Variants in ATG13 observed in about 807,000 individuals in gnomAD.
ATG13 encodes the protein autophagy-related protein 13.
A neutral mutation model predicts 65.5 loss-of-function variants in ATG13; 23 were observed. The ratio of observed to expected loss-of-function variants is 0.35; its 90% confidence interval spans 0.25 to 0.50. The LOEUF is 0.50. ATG13 is among the 20% of genes least tolerant of loss of function. The probability of loss-of-function intolerance (pLI) is 0.98; values close to 1 mark genes in which losing one functional copy is unlikely to be tolerated. For synonymous variants in ATG13, 252 were observed against 245.2 expected (o/e 1.03, Z -0.26); for missense variants, 566 against 677.0 (o/e 0.84, Z 1.82).
intron 11 of ATG13, among the ~76,000 whole-genome samples, chr11:46,661,394 TATA>T (rs756012509): frequency 6.7e-6 from 1 of 149,800 alleles, no homozygotes; most frequent in Non-Finnish European, 1.5e-5. Context: ...GGTGGGCGCC[TATA>T]ATCCCAGCTA....
At chr11:46,664,730 G>A in intron 12 of ATG13, 119 bp from the exon 13 acceptor site, 1 of 846,276 alleles carries the variant, frequency 1.2e-6, no homozygotes, top group Admixed American at 2.0e-5. Flanking sequence ...CTGCACTGTG[G>A]GCATGTGGGC....
At position 46,659,400 on chromosome 11, in the gene ATG13, G is replaced by A; in HGVS notation, c.704G>A (p.Gly235Asp). The change falls in exon 11 of 19, where the codon GGT (glycine) becomes GAT (aspartate). Residue 235 changes from glycine (G) to aspartate (D), a missense_variant. Physicochemically the swap from Gly to Asp is moderately conservative, Grantham distance 94 (BLOSUM62 -1). Transcript: ENST00000683050. ...PMHPCNYRTA[G>D]EDTGVIYPSV... ...CTTTCTTTTCACTTTAGAACTGCTG[G>A]TGAGGACACTGGAGTAATATACCCG... 1.2e-6 allele frequency: 2 copies of A among 1,612,836 alleles called. No individual in the cohort carries two copies.
intron 1 of ATG13, among the ~76,000 whole-genome samples, chr11:46,624,115 C>T (rs994857760): frequency 3.3e-5 from 5 of 151,958 alleles, no homozygotes; most frequent in African/African-American, 7.2e-5. Context: ...AACGATTCTC[C>T]TGCCTCAGCC....
intron 1 of ATG13, among the ~76,000 whole-genome samples, chr11:46,619,128 T>C (rs1232299072): frequency 1.3e-5 from 2 of 152,014 alleles, no homozygotes; most frequent in African/African-American, 4.8e-5. Flanking sequence ...GGAGAGTGCA[T>C]AGAGTTGCTG....
At chr11:46,640,421 A>G (rs1341027464) in intron 2 of ATG13, among the ~76,000 whole-genome samples, 1 of 152,220 alleles carries the variant, frequency 6.6e-6, no homozygotes, top group Admixed American at 6.5e-5. Context: ...TGTATATCCA[A>G]CGAAGTACTT....
At chr11:46,633,117 C>T (rs1480623799) in intron 2 of ATG13, among the ~76,000 whole-genome samples, 5 of 146,638 alleles carry the variant, frequency 3.4e-5, no homozygotes, top group African/African-American at 7.5e-5. Context: ...CTCCTCCTCT[C>T]GGGTTCAAGC....
chr11:46,632,139 A>G (rs902525390), intron 2 of ATG13, among the ~76,000 whole-genome samples: 1 of 152,244 alleles, frequency 6.6e-6, no homozygotes, highest in African/African-American at 2.4e-5. Context: ...CAATAAGTGT[A>G]GATGAAGTTT....
At chr11:46,654,302 T>TATATATATATATATATATATAG in intron 7 of ATG13, among the ~76,000 whole-genome samples, 1 of 143,436 alleles carries the variant, frequency 7.0e-6, no homozygotes, top group Non-Finnish European at 1.5e-5. Flanking sequence ...TATATATATA[T>TATATATATATATATATATATAG]ATATATATGT....
chr11:46,667,886 A>G lies in ATG13; in HGVS notation c.1250A>G (p.Gln417Arg). ...GCTTTTGTCAACAAACCCATTAACC[A>G]GGTGATTTTTCTGCCACTGCCACCT... Reference protein sequence around the residue: ...VGAFVNKPINQVTLTSLDIPF... With the variant: ...VGAFVNKPINRVTLTSLDIPF... Residue 417 changes from glutamine (Q) to arginine (R), a missense_variant and splice_region_variant, in exon 15 of 19, where the codon CAG becomes CGG. Gln to Arg is a conservative substitution (Grantham distance 43). Around this residue, in one of 2 missense-constraint regions of ATG13, gnomAD observed 387 missense variants for 409.8 expected, o/e 0.94. Transcript: ENST00000683050. 1 of 1,606,084 alleles carries G rather than the reference A, an allele frequency of 6.2e-7. No homozygotes were observed. Among genetic ancestry groups the G allele is most frequent in the Non-Finnish European group, 8.5e-7 (1 of 1,173,210 alleles).
At chr11:46,664,811 GC>G (rs1565605564) in intron 12 of ATG13, 37 bp from the exon 13 acceptor site, 1 of 1,573,276 alleles carries the variant, frequency 6.4e-7, no homozygotes, top group Admixed American at 1.7e-5. Flanking sequence ...TTTTTTCCTT[GC>G]CTTTCCTTTT....
At chr11:46,656,352 A>G (rs569991768) in intron 8 of ATG13, 79 bp downstream of exon 8, 17 of 1,396,520 alleles carry the variant, frequency 1.2e-5, no homozygotes, top group Non-Finnish European at 1.7e-5. Flanking sequence ...TCTACTTGTT[A>G]TAATATGTAG....
At chr11:46,652,108 C>T (rs1015992318) in intron 7 of ATG13, among the ~76,000 whole-genome samples, 2 of 151,988 alleles carry the variant, frequency 1.3e-5, no homozygotes, top group African/African-American at 4.8e-5. Flanking sequence ...ATTAGCTGGG[C>T]AGGGTGGCAC....
intron 16 of ATG13, 66 bp from the exon 17 acceptor site, chr11:46,668,728 G>T: frequency 6.6e-7 from 1 of 1,514,472 alleles, no homozygotes; most frequent in Non-Finnish European, 9.2e-7. Flanking sequence ...AGAATTTTCA[G>T]ATTGTTTACA....
intron 18 of ATG13, 86 bp downstream of exon 18, chr11:46,669,618 A>G (rs556432873): frequency 2.3e-5 from 34 of 1,461,386 alleles, no homozygotes; most frequent in South Asian, 1.4e-4. Flanking sequence ...ACCACCTTCT[A>G]TCTTCCCTGT....
In ATG13 at chr11:46,672,597, G is replaced by T; in HGVS notation, c.*265G>T. The T allele has an allele frequency of 7.0e-7, 1 of 1,423,760 alleles. No individual in the cohort carries two copies. The highest frequency in any genetic ancestry group is 9.3e-7 in the Non-Finnish European group (1 of 1,075,800). The allele number at this position is 1,423,760 out of a possible 1,614,324, so 88.2% of individuals were successfully genotyped here. On this transcript the variant is annotated 3_prime_UTR_variant, in exon 19 of 19. Coordinates refer to ENST00000683050, the MANE Select transcript of ATG13 (RefSeq NM_001346311.2). ...TTCGTACGAAAAAGCCCTCAGCAGG[G>T]CCATCTGTGTGCCCTGCCCATCACC...
At chr11:46,663,220 C>T (rs1033984301) in intron 11 of ATG13, among the ~76,000 whole-genome samples, 3 of 139,906 alleles carry the variant, frequency 2.1e-5, no homozygotes, top group East Asian at 2.2e-4. Flanking sequence ...GAGCCAAGAT[C>T]GCACCACTGC....
chr11:46,669,364 G>A (rs2063173886), intron 17 of ATG13, 40 bp from the exon 18 acceptor site: 1 of 1,611,522 alleles, frequency 6.2e-7, no homozygotes, highest in South Asian at 1.1e-5. Flanking sequence ...CTCCTCTGTG[G>A]TTCAAGGCAA....
intron 18 of ATG13, among the ~76,000 whole-genome samples, chr11:46,669,812 C>A (rs554190196): frequency 2.4e-4 from 36 of 152,196 alleles, no homozygotes; most frequent in African/African-American, 8.4e-4. Context: ...TGCCACTAGG[C>A]CAAGTTGCTC....
chr11:46,645,875 C>T lies in ATG13; in HGVS notation c.156C>T (p.Asn52=). The T allele has an allele frequency of 6.2e-7, 1 of 1,613,940 alleles. No individual in the cohort carries two copies. Among genetic ancestry groups the T allele is most frequent in the Non-Finnish European group, 8.5e-7 (1 of 1,179,926 alleles). ...SSSPTGSDWF[N]LAIKDIPEVT... ...AAGTCCCTTTTGTTTTCCAGTTCAA[C>T]TTAGCAATCAAAGACATCCCAGAGG... The change falls in exon 5 of 19, where the codon AAC becomes AAT. Residue 52 remains asparagine (N), a synonymous_variant. Coordinates refer to ENST00000683050, the MANE Select transcript of ATG13 (RefSeq NM_001346311.2).
Sources: gnomAD v4.1 joint callset for allele counts (sites outside exome capture counted in the v4.1 genomes callset) on GRCh38, gnomAD v4.1.1 for gene constraint, gnomAD v4.1.1 regional missense constraint, MANE v1.5 for transcripts, NCBI Gene and HGNC (gene_info 2026-07-23, HGNC 2026-07-21) for gene names.